Variants in HYDIN observed in about 807,000 individuals in gnomAD.
HYDIN encodes HYDIN axonemal central pair apparatus protein.
A neutral mutation model predicts 403.9 loss-of-function variants in HYDIN; 132 were observed. That is an observed-to-expected ratio of 0.33 (90% confidence interval 0.28 to 0.38). The LOEUF is 0.38. Ranked by LOEUF, HYDIN falls within the 10% of genes least tolerant of loss-of-function variation. The pLI, the probability that HYDIN is intolerant of heterozygous loss-of-function variation, is 1.00. For missense variants in HYDIN, 2,827 were observed against 5,009.5 expected, an observed-to-expected ratio of 0.56 and a Z score of 13.15; for synonymous variants, 1,202 against 1,891.7, an observed-to-expected ratio of 0.64 and a Z score of 9.46.
intron 21 of HYDIN, among the ~76,000 whole-genome samples, chr16:71,022,673 G>A (rs998023378): frequency 6.6e-6 from 1 of 150,840 alleles, no homozygotes; most frequent in African/African-American, 2.4e-5. Flanking sequence ...CCCTGATGTG[G>A]ATTAAATGTG....
intron 23 of HYDIN, among the ~76,000 whole-genome samples, chr16:70,994,247 T>C (rs796749074): frequency 2.2e-5 from 3 of 138,402 alleles, no homozygotes; most frequent in African/African-American, 8.0e-5. Flanking sequence ...GTTTGGTTGA[T>C]TGAATGAATG....
intron 1 of HYDIN, among the ~76,000 whole-genome samples, chr16:71,220,577 C>A (rs1393158718): frequency 2.6e-5 from 4 of 152,302 alleles, no homozygotes; most frequent in South Asian, 4.1e-4. Flanking sequence ...ATTTGCTAAA[C>A]CTGAATTTTT....
At chr16:71,221,773 A>T (rs2089213291) in intron 1 of HYDIN, among the ~76,000 whole-genome samples, 2 of 152,260 alleles carry the variant, frequency 1.3e-5, no homozygotes, top group Admixed American at 6.5e-5. Flanking sequence ...GAGGTATAGA[A>T]GAAATATAGT....
At chr16:70,982,350 G>A (rs988046672) in intron 28 of HYDIN, among the ~76,000 whole-genome samples, 4 of 150,958 alleles carry the variant, frequency 2.6e-5, no homozygotes, top group African/African-American at 9.8e-5. Context: ...CCCTGACAAA[G>A]GAATATATGG....
At chr16:71,126,825 C>T (rs2084483653) in intron 9 of HYDIN, among the ~76,000 whole-genome samples, 1 of 152,092 alleles carries the variant, frequency 6.6e-6, no homozygotes, top group South Asian at 2.1e-4. Context: ...GTTCAGATCG[C>T]ATTTCTTCTA....
intron 1 of HYDIN, among the ~76,000 whole-genome samples, chr16:71,214,812 C>G (rs2088790820): frequency 6.8e-6 from 1 of 147,582 alleles, no homozygotes; most frequent in Non-Finnish European, 1.5e-5. Flanking sequence ...AGAACACAGC[C>G]TTAAACTGCT....
chr16:70,871,623 A>G (rs2040106280), intron 65 of HYDIN, among the ~76,000 whole-genome samples: 1 of 151,732 alleles, frequency 6.6e-6, no homozygotes, highest in Non-Finnish European at 1.5e-5. Context: ...TGGAGCTTGG[A>G]ACATTTTCTA....
intron 40 of HYDIN, among the ~76,000 whole-genome samples, chr16:70,954,508 C>T (rs866912784): frequency 6.6e-6 from 1 of 151,742 alleles, no homozygotes; most frequent in African/African-American, 2.4e-5. Context: ...TCCCCCAAAC[C>T]CAACCCAATT....
intron 71 of HYDIN, among the ~76,000 whole-genome samples, chr16:70,859,205 T>G (rs368814928): frequency 4.6e-5 from 7 of 152,002 alleles, no homozygotes; most frequent in East Asian, 3.9e-4. Context: ...GAAGGCTGAG[T>G]CAGGAGAATA....
intron 41 of HYDIN, among the ~76,000 whole-genome samples, chr16:70,949,442 A>G (rs1567889084): frequency 6.6e-6 from 1 of 152,122 alleles, no homozygotes; most frequent in Non-Finnish European, 1.5e-5. Flanking sequence ...CATGTACCCT[A>G]AAACTTAAAG....
chr16:70,955,418 G>A lies in HYDIN; in HGVS notation c.6273C>T (p.Ile2091=), dbSNP rs1347461017. The A allele has an allele frequency of 6.2e-7, 1 of 1,613,950 alleles. No homozygotes were observed. The highest frequency in any genetic ancestry group is 1.3e-5 in the African/African-American group (1 of 74,930). Reference sequence around the variant, plus strand: ...TCACGGACTGCTCTATGGCAGCCCTGATGCAGAGCTCACGGGCCCGGATCC... The same window carrying A: ...TCACGGACTGCTCTATGGCAGCCCTAATGCAGAGCTCACGGGCCCGGATCC... ...IPGIRARELC[I]RAAIEQSVKE... Residue 2091 remains isoleucine, a synonymous_variant, in exon 40 of 86, where the codon ATC becomes ATT. Coordinates refer to ENST00000393567, the MANE Select transcript of HYDIN (RefSeq NM_001270974.2).
chr16:71,000,331 A>G (rs2144070784), intron 23 of HYDIN, among the ~76,000 whole-genome samples: 1 of 148,660 alleles, frequency 6.7e-6, no homozygotes, highest in East Asian at 2.0e-4. Context: ...GAAAGAAGCT[A>G]TAATAAGGTG....
At chr16:71,115,280 C>A (rs914139631) in intron 10 of HYDIN, among the ~76,000 whole-genome samples, 26 of 152,180 alleles carry the variant, frequency 1.7e-4, no homozygotes, top group African/African-American at 6.0e-4. Context: ...GGCACTTCTC[C>A]CTCCTGCTGC....
intron 10 of HYDIN, among the ~76,000 whole-genome samples, chr16:71,108,723 T>A (rs570710833): frequency 6.8e-4 from 104 of 152,126 alleles, no homozygotes; most frequent in Non-Finnish European, 1.2e-3. Context: ...TAAAAAAAAA[T>A]TTTTAAGATG....
intron 10 of HYDIN, among the ~76,000 whole-genome samples, chr16:71,107,897 T>A (rs1166434073): frequency 1.3e-5 from 2 of 152,120 alleles, no homozygotes; most frequent in African/African-American, 4.8e-5. Context: ...CTAGTCACAA[T>A]AGCAAAGACG....
At position 71,067,292 on chromosome 16, in the gene HYDIN, T is replaced by C. The variant is rs745995302; in HGVS notation, c.2073A>G (p.Ala691=). 1.9e-6 allele frequency: 3 copies of C among 1,606,982 alleles called. No homozygotes were observed. The highest frequency in any genetic ancestry group is 2.2e-5 in the South Asian group (2 of 90,708). ...AAGAGCAAGCTGGGGAGCAATACCT[T>C]GCTGTAATTAAGAGCGCCAGCACCT... The part of the protein sequence containing the change: ...GEEVLALLIT[A]RCVVPALHLV... The change falls in exon 15 of 86, where the codon GCA becomes GCG. Residue 691 remains alanine (A), a splice_region_variant and synonymous_variant. Transcript: ENST00000393567.
intron 13 of HYDIN, among the ~76,000 whole-genome samples, chr16:71,070,325 T>TTTC (rs2082427626): frequency 7.0e-6 from 1 of 143,568 alleles, no homozygotes; most frequent in Non-Finnish European, 1.5e-5. Context: ...TTCTTTCTTT[T>TTTC]TTTTTTTTTT....
chr16:71,028,781 A>G (rs565887459), intron 19 of HYDIN, among the ~76,000 whole-genome samples: 2 of 152,284 alleles, frequency 1.3e-5, no homozygotes, highest in South Asian at 2.1e-4. Flanking sequence ...TTCTAGCTAC[A>G]TATGTTGTGA....
intron 9 of HYDIN, among the ~76,000 whole-genome samples, chr16:71,124,785 C>G (rs796161932): frequency 6.8e-6 from 1 of 147,578 alleles, no homozygotes; most frequent in Non-Finnish European, 1.5e-5. Flanking sequence ...ACTTTTTGAG[C>G]AGAGTATCAA....
Sources: allele counts gnomAD v4.1 joint callset (sites outside exome capture counted in the v4.1 genomes callset), GRCh38; gene constraint gnomAD v4.1.1; transcripts MANE v1.5; gene names NCBI Gene and HGNC (gene_info 2026-07-23, HGNC 2026-07-21).